Variants in IL16 observed in about 807,000 individuals in gnomAD.
IL16 encodes the protein pro-interleukin-16.
A neutral mutation model predicts 110.1 loss-of-function variants in IL16; 67 were observed. That is an observed-to-expected ratio of 0.61 (90% confidence interval 0.50 to 0.75). The LOEUF (loss-of-function observed/expected upper bound fraction) is 0.75, where lower values mean the gene tolerates loss of function less well. Ranked by LOEUF, IL16 falls within the 30% of genes least tolerant of loss-of-function variation. The pLI is 0.00. For synonymous variants in IL16, 689 were observed against 662.9 expected (o/e 1.04, Z -0.61); for missense variants, 1,545 against 1,655.0 (o/e 0.93, Z 1.15).
At chr15:81,237,762 G>C (rs913622727) in intron 2 of IL16, among the ~76,000 whole-genome samples, 1 of 151,722 alleles carries the variant, frequency 6.6e-6, no homozygotes, top group Non-Finnish European at 1.5e-5. Context: ...GCATTTACAT[G>C]GTGTCTATTT....
At chr15:81,188,275 A>G in intron 1 of IL16, 2 of 454,930 alleles carry the variant, frequency 4.4e-6, no homozygotes, top group Non-Finnish European at 4.4e-6. Context: ...CTATGTTGTT[A>G]TGAGGTGGAG....
chr15:81,190,326 G>A (rs996607012), intron 1 of IL16, among the ~76,000 whole-genome samples: 4 of 152,320 alleles, frequency 2.6e-5, no homozygotes, highest in Admixed American at 6.5e-5. Context: ...CCAGTGTGGC[G>A]TTTAACCCTT....
At chr15:81,194,853 C>T (rs1442095518), upstream of IL16, among the ~76,000 whole-genome samples, 1 of 152,126 alleles carries the variant, frequency 6.6e-6, no homozygotes, top group African/African-American at 2.4e-5. Flanking sequence ...TCGTAGCAAA[C>T]TAAGGCTGTG....
intron 12 of IL16, among the ~76,000 whole-genome samples, chr15:81,296,302 G>A (rs1182624912): frequency 6.6e-6 from 1 of 152,174 alleles, no homozygotes; most frequent in Non-Finnish European, 1.5e-5. Context: ...CTTGTCCCTA[G>A]GCTGTTTTGG....
At chr15:81,216,821 G>C (rs1328820093) in intron 1 of IL16, among the ~76,000 whole-genome samples, 2 of 152,082 alleles carry the variant, frequency 1.3e-5, no homozygotes, top group African/African-American at 4.8e-5. Context: ...CAGCCTTGCA[G>C]CCAAGCCTCT....
At chr15:81,261,355 T>A (rs1490589993) in intron 3 of IL16, among the ~76,000 whole-genome samples, 1 of 152,184 alleles carries the variant, frequency 6.6e-6, no homozygotes, top group East Asian at 1.9e-4. Context: ...CAGAGCTCCC[T>A]GGCTCCCTGG....
chr15:81,216,988 A>T (rs1302711851), intron 1 of IL16, among the ~76,000 whole-genome samples: 2 of 152,174 alleles, frequency 1.3e-5, no homozygotes, highest in Non-Finnish European at 2.9e-5. Context: ...AATAGAATAA[A>T]TTTAAGGAAA....
At chr15:81,308,198 A>G (rs190810294) in intron 18 of IL16, among the ~76,000 whole-genome samples, 1 of 152,288 alleles carries the variant, frequency 6.6e-6, no homozygotes, top group East Asian at 1.9e-4. Context: ...CATACCACCC[A>G]ATGCTGATGT....
chr15:81,282,224 C>T lies in IL16; in HGVS notation c.1082-415C>T, dbSNP rs145406989. Among the ~76,000 whole-genome samples the T allele has an allele frequency of 3.2e-3, 486 of 152,344 alleles. 4 individuals are homozygous for T. The highest frequency in any genetic ancestry group is 4.2e-3 in the Non-Finnish European group (283 of 68,030). On this transcript the variant is annotated intron_variant, in intron 8 of 18. Transcript: ENST00000683961. ...GTTGGCTGTTTCTGCTTCTGAGATG[C>T]TCTGCCCCATCTCTTCACCCCTAAC... is the stretch of plus-strand genomic sequence containing the variant.
intron 5 of IL16, among the ~76,000 whole-genome samples, chr15:81,272,043 T>A (rs1462593262): frequency 6.6e-6 from 1 of 152,236 alleles, no homozygotes; most frequent in East Asian, 1.9e-4. Flanking sequence ...TGCTTGTACG[T>A]TGGACCCAAA....
chr15:81,198,459 G>A (rs1895679003), intron 1 of IL16, among the ~76,000 whole-genome samples: 1 of 151,982 alleles, frequency 6.6e-6, no homozygotes, highest in African/African-American at 2.4e-5. Context: ...ACACAAAGAT[G>A]GTCATATATC....
intron 2 of IL16, among the ~76,000 whole-genome samples, chr15:81,245,212 T>C (rs576475750): frequency 1.3e-5 from 2 of 152,342 alleles, no homozygotes; most frequent in South Asian, 4.1e-4. Context: ...GTATGATTAG[T>C]AATTTTCAAT....
At chr15:81,207,529 C>A (rs1210149222) in intron 1 of IL16, among the ~76,000 whole-genome samples, 4 of 151,864 alleles carry the variant, frequency 2.6e-5, no homozygotes, top group African/African-American at 9.7e-5. Flanking sequence ...CCACCCACCC[C>A]CTCTAGTAGT....
chr15:81,241,695 C>A (rs2142101860), intron 2 of IL16, among the ~76,000 whole-genome samples: 1 of 152,132 alleles, frequency 6.6e-6, no homozygotes, highest in East Asian at 1.9e-4. Context: ...ACAGAGAAGT[C>A]TGTGTATAAT....
chr15:81,282,735 C>A lies in IL16; in HGVS notation c.1178C>A (p.Ala393Glu). 1 of 1,613,228 alleles carries A rather than the reference C, an allele frequency of 6.2e-7. No individual in the cohort carries two copies. Among genetic ancestry groups the A allele is most frequent in the African/African-American group, 1.3e-5 (1 of 75,042 alleles). ...FVHTLSPGSV[A>E]HLDGRLRCGD... The stretch of plus-strand genomic sequence containing the variant: ...CACACGCTGTCACCAGGATCCGTGG[C>A]GCACCTGGACGGACGTCTCCGGTAT... The change falls in exon 9 of 19, where the codon GCG becomes GAG. Residue 393 changes from alanine (A) to glutamate (E), a missense_variant. By Grantham distance (107) the Ala-to-Glu change is moderately radical (BLOSUM62 -1). Transcript: ENST00000683961.
upstream of IL16, among the ~76,000 whole-genome samples, chr15:81,195,189 G>A (rs1330882237): frequency 6.6e-6 from 1 of 152,160 alleles, no homozygotes; most frequent in East Asian, 1.9e-4. Flanking sequence ...AGGGAGAGGC[G>A]GGAACTGGAT....
At chr15:81,306,582 T>A (rs1036990437) in intron 18 of IL16, 37 bp downstream of exon 18, 17 of 1,606,624 alleles carry the variant, frequency 1.1e-5, no homozygotes, top group Non-Finnish European at 9.3e-6. Context: ...TGCTCTCCAG[T>A]TGTGGGCATG....
intron 12 of IL16, chr15:81,295,451 G>A: frequency 7.8e-7 from 1 of 1,289,560 alleles, no homozygotes; most frequent in Non-Finnish European, 1.0e-6. Flanking sequence ...GGTATCACAT[G>A]TGGCTGCCTG....
chr15:81,221,562 T>A (rs1339073855), intron 1 of IL16, among the ~76,000 whole-genome samples: 1 of 152,080 alleles, frequency 6.6e-6, no homozygotes, highest in Non-Finnish European at 1.5e-5. Flanking sequence ...CAGCACTGTG[T>A]TTTCAATTAT....
Sources: gnomAD v4.1 joint callset for allele counts (sites outside exome capture counted in the v4.1 genomes callset) on GRCh38, gnomAD v4.1.1 for gene constraint, MANE v1.5 for transcripts, NCBI Gene and HGNC (gene_info 2026-07-23, HGNC 2026-07-21) for gene names.